The following SH3BP2 variants were observed in gnomAD, a reference collection of about 807,000 sequenced individuals.
The protein encoded by SH3BP2 is SH3 domain-binding protein 2.
SH3BP2 carries 38 observed loss-of-function variants against 56.2 expected under a neutral mutation model. The observed-to-expected ratio is 0.68, with a 90% confidence interval of 0.52 to 0.89. The LOEUF is 0.89. Among genes scored for constraint, SH3BP2 ranks in the 40% least tolerant of loss-of-function variants. The pLI, the probability that SH3BP2 is intolerant of heterozygous loss-of-function variation, is 0.00. For missense variants in SH3BP2, 748 were observed against 762.6 expected (o/e 0.98, Z 0.23); for synonymous variants, 346 against 316.7 (o/e 1.09, Z -0.98).
Position 2,824,658 on chromosome 4 carries a change from C to A in SH3BP2, c.285C>A (p.Pro95=). Residue 95 remains proline (P), a synonymous_variant, in exon 4 of 13, where the codon CCC becomes CCA. Coordinates refer to ENST00000503393, the MANE Select transcript of SH3BP2 (RefSeq NM_001122681.2). The part of the protein sequence containing the change: ...AEETTSNNVF[P]FKIIHISKKH... ...AGACCACGTCCAACAACGTTTTCCCCTTCAAGATCATCCATATCAGCAAGA... is the reference window on the plus strand; with the variant it reads ...AGACCACGTCCAACAACGTTTTCCCATTCAAGATCATCCATATCAGCAAGA... The A allele has an allele frequency of 6.2e-7, 1 of 1,614,064 alleles. No individual in the cohort carries two copies. Among genetic ancestry groups the A allele is most frequent in the Non-Finnish European group, 8.5e-7 (1 of 1,179,998 alleles).
chr4:2,832,533 C>T (rs552813002), intron 11 of SH3BP2, 121 bp downstream of exon 11: 82 of 786,752 alleles, frequency 1.0e-4, no homozygotes, highest in Non-Finnish European at 1.7e-4. Context: ...CTTGGTGTCT[C>T]AGCTGAATTC....
intron 1 of SH3BP2, among the ~76,000 whole-genome samples, chr4:2,802,348 C>T (rs775041775): frequency 6.6e-6 from 1 of 150,464 alleles, no homozygotes; most frequent in Non-Finnish European, 1.5e-5. Flanking sequence ...GAGCCAAGAT[C>T]GTGCCACTGC....
chr4:2,800,674 G>A (rs1038356741), intron 1 of SH3BP2, among the ~76,000 whole-genome samples: 9 of 152,106 alleles, frequency 5.9e-5, no homozygotes, highest in African/African-American at 2.2e-4. Context: ...CTCAGGCCTC[G>A]GCTCCCACGG....
At chr4:2,827,057 ATG>A (rs563980546) in intron 5 of SH3BP2, 171 bp from the exon 6 acceptor site, 15 of 699,488 alleles carry the variant, frequency 2.1e-5, no homozygotes, top group Middle Eastern at 2.3e-4. Flanking sequence ...CCGTGTGTGC[ATG>A]TGTGTGTCTG....
intron 12 of SH3BP2, 132 bp from the exon 13 acceptor site, chr4:2,833,565 A>T: frequency 8.2e-7 from 1 of 1,213,588 alleles, no homozygotes. Context: ...TGGGGGCACC[A>T]CCGACAGCCA....
intron 1 of SH3BP2, among the ~76,000 whole-genome samples, chr4:2,793,908 G>T (rs1179442943): frequency 6.6e-6 from 1 of 152,170 alleles, no homozygotes; most frequent in African/African-American, 2.4e-5. Flanking sequence ...CGCTGCTCTG[G>T]GCCTCGGCTC....
Position 2,824,599 on chromosome 4 carries a change from C to T in SH3BP2, c.240-14C>T, listed in dbSNP as rs763517516. On this transcript the variant is annotated splice_polypyrimidine_tract_variant and intron_variant, in intron 3 of 12. Coordinates refer to ENST00000503393, the MANE Select transcript of SH3BP2 (RefSeq NM_001122681.2). ...CTGTGAACCAGGCCGTGACCCCTGGCGCTGTGCCCCCAGGGTGATGCGGGC... is the reference window on the plus strand; with the variant it reads ...CTGTGAACCAGGCCGTGACCCCTGGTGCTGTGCCCCCAGGGTGATGCGGGC... The T allele has an allele frequency of 9.4e-6, 15 of 1,594,048 alleles. No homozygotes were observed. Among genetic ancestry groups the T allele is most frequent in the East Asian group, 8.9e-5 (4 of 44,814 alleles).
At chr4:2,824,777 C>A in intron 4 of SH3BP2, 47 bp downstream of exon 4, 2 of 1,398,376 alleles carry the variant, frequency 1.4e-6, no homozygotes, top group Non-Finnish European at 2.0e-6. Flanking sequence ...GGGGTGTGGG[C>A]CTGCAGGCAC....
intron 1 of SH3BP2, chr4:2,818,960 G>A: frequency 1.1e-6 from 1 of 950,706 alleles, no homozygotes; most frequent in Non-Finnish European, 1.3e-6. Flanking sequence ...TTTAATTTTA[G>A]CTCCAGCTCA....
At chr4:2,796,402 G>A in intron 1 of SH3BP2, 1 of 985,426 alleles carries the variant, frequency 1.0e-6, no homozygotes, top group Non-Finnish European at 1.2e-6. Context: ...CCATGAGAGT[G>A]GTCAGGCCCT....
chr4:2,805,451 A>G (rs1182976991), intron 1 of SH3BP2, among the ~76,000 whole-genome samples: 1 of 152,120 alleles, frequency 6.6e-6, no homozygotes, highest in Non-Finnish European at 1.5e-5. Flanking sequence ...AATTCAGCAC[A>G]TGAGCCCATG....
Position 2,830,154 on chromosome 4 carries a change from T to C in SH3BP2, c.1241+7T>C. The C allele has an allele frequency of 6.3e-7, 1 of 1,597,848 alleles. No individual in the cohort carries two copies. The highest frequency in any genetic ancestry group is 8.5e-7 in the Non-Finnish European group (1 of 1,179,000). ...CGCAGCTCCCGCACCTCCAGTGAGT[T>C]TGTGTGGCGGCTGCAAGCCCTGCCT... is the stretch of plus-strand genomic sequence containing the variant. On this transcript the variant is annotated splice_region_variant and intron_variant, in intron 8 of 12. Transcript: ENST00000503393.
In SH3BP2 at chr4:2,823,050, C is replaced by T; in HGVS notation, c.239+13C>T. The T allele has an allele frequency of 6.3e-7, 1 of 1,595,844 alleles. No homozygotes were observed. The highest frequency in any genetic ancestry group is 8.6e-7 in the Non-Finnish European group (1 of 1,164,280). On this transcript the variant is annotated intron_variant, in intron 3 of 12. Transcript: ENST00000503393. ...GTGGCTATAACCGGTAAGTGCCCGA[C>T]CTGCCTGCTGACCTCGGGCCCCCAC...
intron 1 of SH3BP2, among the ~76,000 whole-genome samples, chr4:2,817,061 G>T (rs751525841): frequency 2.6e-4 from 39 of 152,236 alleles, no homozygotes; most frequent in Admixed American, 6.5e-5. Context: ...GCAACAGCAG[G>T]GGCTGAGGCC....
At chr4:2,822,676 C>T (rs897776914) in intron 2 of SH3BP2, among the ~76,000 whole-genome samples, 6 of 152,258 alleles carry the variant, frequency 3.9e-5, no homozygotes, top group South Asian at 2.1e-4. Context: ...CCCAAATCTA[C>T]CTCTTCTTTG....
At chr4:2,798,431 G>T (rs563558208) in intron 1 of SH3BP2, 7 of 152,396 alleles carry the variant, frequency 4.6e-5, no homozygotes, top group African/African-American at 1.7e-4. Flanking sequence ...TGGGAGCCCT[G>T]AGTGGCAGGT....
chr4:2,833,857 G>A lies in SH3BP2; in HGVS notation c.*23G>A, dbSNP rs1472318215. On this transcript the variant is annotated 3_prime_UTR_variant, in exon 13 of 13. Transcript: ENST00000503393. Reference sequence around the variant, plus strand: ...TGATGGCAGTCCATGTGGCTGCCAGGCCAAGGCAGTCACAGGGGCCCTGAC... The same window carrying A: ...TGATGGCAGTCCATGTGGCTGCCAGACCAAGGCAGTCACAGGGGCCCTGAC... The A allele has an allele frequency of 1.3e-6, 2 of 1,546,302 alleles. No homozygotes were observed. Among genetic ancestry groups the A allele is most frequent in the South Asian group, 1.2e-5 (1 of 84,920 alleles).
chr4:2,829,531 G>A lies in SH3BP2; in HGVS notation c.625G>A (p.Val209Met), dbSNP rs1281385097. The change falls in exon 8 of 13, where the codon GTG (valine) becomes ATG (methionine). Residue 209 changes from valine to methionine, a missense_variant. This residue lies in a region of SH3BP2 where 635 missense variants were observed against 615.0 expected (regional missense o/e 1.03). Transcript: ENST00000503393. This position sits in a 1 kb window ranked among gnomAD's most constrained non-coding sequence, Gnocchi z 4.9. Reference sequence around the variant, plus strand: ...CCCACCGGCTTACCCACCACCCCCAGTGCCCACGCCCAGGAAGCCAGCCTT... The same window carrying A: ...CCCACCGGCTTACCCACCACCCCCAATGCCCACGCCCAGGAAGCCAGCCTT... Reference protein sequence around the residue: ...MHPPAYPPPPVPTPRKPAFSD... With the variant: ...MHPPAYPPPPMPTPRKPAFSD... 4.3e-6 allele frequency: 7 copies of A among 1,613,402 alleles called. No homozygotes were observed. Among genetic ancestry groups the A allele is most frequent in the African/African-American group, 1.3e-5 (1 of 74,834 alleles).
intron 3 of SH3BP2, among the ~76,000 whole-genome samples, chr4:2,823,912 C>T (rs927879959): frequency 1.3e-5 from 2 of 152,206 alleles, no homozygotes; most frequent in East Asian, 3.9e-4. Context: ...CACAGAGCTC[C>T]GGGGTCCCCT....
Sources: allele counts gnomAD v4.1 joint callset (sites outside exome capture counted in the v4.1 genomes callset), GRCh38; gene constraint gnomAD v4.1.1; regional missense constraint gnomAD v4.1.1; non-coding constraint Gnocchi (gnomAD v3.1); transcripts MANE v1.5; gene names NCBI Gene and HGNC (gene_info 2026-07-23, HGNC 2026-07-21).